Variants in LIMS4 observed in about 807,000 individuals in gnomAD.
LIMS4 encodes the protein LIM and senescent cell antigen-like-containing domain protein 4.
chr2:110,396,002 C>T, the LIMS4 span, among the ~76,000 whole-genome samples: 3 of 141,290 alleles, frequency 2.1e-5, 1 homozygote, highest in Non-Finnish European at 4.5e-5. Flanking sequence ...GATAGCCTTA[C>T]TTGCCTCCCC....
chr2:110,390,230 G>T, the LIMS4 span, among the ~76,000 whole-genome samples: 2 of 139,710 alleles, frequency 1.4e-5, no homozygotes, highest in Non-Finnish European at 3.0e-5. Context: ...AGAGAGGCAG[G>T]GTGGTTGATG....
chr2:110,366,705 G>C, the LIMS4 span, among the ~76,000 whole-genome samples: 2 of 152,162 alleles, frequency 1.3e-5, no homozygotes, highest in African/African-American at 2.4e-5. Context: ...AATCAGGCAA[G>C]AGAAAGAAGT....
chr2:110,382,098 A>T, the LIMS4 span, among the ~76,000 whole-genome samples: 3 of 40,500 alleles, frequency 7.4e-5, no homozygotes, highest in Admixed American at 4.6e-4. Flanking sequence ...AAAAAAAAAA[A>T]ATATATATAT....
At chr2:110,433,589 T>C in the LIMS4 span, 3 of 144,936 alleles carry the variant, frequency 2.1e-5, no homozygotes, top group Non-Finnish European at 4.5e-5. Flanking sequence ...TGTCCATCCA[T>C]GTGGGAGCTA....
chr2:110,382,359 GAGAC>G, the LIMS4 span, among the ~76,000 whole-genome samples: 940 of 43,738 alleles, frequency 0.021, no homozygotes, highest in Non-Finnish European at 0.032. Context: ...AATAACTAGA[GAGAC>G]AGATAACAAT....
At chr2:110,367,741 C>A in the LIMS4 span, among the ~76,000 whole-genome samples, 1 of 146,370 alleles carries the variant, frequency 6.8e-6, no homozygotes, top group South Asian at 2.1e-4. Flanking sequence ...ATTAGCTGGG[C>A]GTGGTGGCAC....
chr2:110,392,266 G>A, the LIMS4 span, among the ~76,000 whole-genome samples: 5 of 150,592 alleles, frequency 3.3e-5, no homozygotes, highest in Non-Finnish European at 7.4e-5. Context: ...GCAGTACCCC[G>A]TCTCTACTAA....
At chr2:110,395,900 G>T in the LIMS4 span, among the ~76,000 whole-genome samples, 7 of 137,588 alleles carry the variant, frequency 5.1e-5, 1 homozygote, top group East Asian at 1.5e-3. Context: ...GAGCTGCCAT[G>T]GGCAAAGAGC....
chr2:110,373,745 C>T, the LIMS4 span, among the ~76,000 whole-genome samples: 197 of 149,750 alleles, frequency 1.3e-3, 2 homozygotes, highest in African/African-American at 4.8e-3. Flanking sequence ...TCTCTGCCCG[C>T]CCTGGTTCAG....
chr2:110,372,391 TA>T, the LIMS4 span, among the ~76,000 whole-genome samples: 17 of 133,530 alleles, frequency 1.3e-4, no homozygotes, highest in Non-Finnish European at 2.3e-4. Flanking sequence ...AATGGGTGGT[TA>T]AAAAAAACCT....
At chr2:110,433,280 A>G in the LIMS4 span, among the ~76,000 whole-genome samples, 1 of 143,614 alleles carries the variant, frequency 7.0e-6, no homozygotes, top group Non-Finnish European at 1.5e-5. Flanking sequence ...ACTTCCCACT[A>G]CTACTCTCAT....
chr2:110,373,673 G>C, the LIMS4 span, among the ~76,000 whole-genome samples: 1 of 151,562 alleles, frequency 6.6e-6, no homozygotes, highest in Non-Finnish European at 1.5e-5. Flanking sequence ...TCAGCAGTAG[G>C]ATGGGAGGCT....
chr2:110,390,866 G>C, the LIMS4 span, among the ~76,000 whole-genome samples: 5 of 152,294 alleles, frequency 3.3e-5, no homozygotes, highest in African/African-American at 1.2e-4. Context: ...GCGGGACCAA[G>C]CCACAAAACA....
At chr2:110,397,428 C>G in the LIMS4 span, 2 of 145,730 alleles carry the variant, frequency 1.4e-5, no homozygotes, top group African/African-American at 5.2e-5. Context: ...TTGCTGTACA[C>G]CATGGCCAGA....
chr2:110,382,195 A>G, the LIMS4 span, among the ~76,000 whole-genome samples: 1 of 95,206 alleles, frequency 1.1e-5, no homozygotes, highest in Non-Finnish European at 1.9e-5. Flanking sequence ...AGAAAATAAC[A>G]CGATTTTAAA....
At chr2:110,361,969 A>C in the LIMS4 span, 16 of 1,273,712 alleles carry the variant, frequency 1.3e-5, 1 homozygote, top group Admixed American at 3.0e-4. Flanking sequence ...TGCAACGTAC[A>C]CATCAAAAAC....
At chr2:110,392,490 A>C in the LIMS4 span, among the ~76,000 whole-genome samples, 1 of 151,492 alleles carries the variant, frequency 6.6e-6, no homozygotes, top group Non-Finnish European at 1.5e-5. Context: ...AGTTTGATGA[A>C]AAACAGGTAG....
the LIMS4 span, chr2:110,361,851 T>G: frequency 1.1e-6 from 1 of 899,896 alleles, no homozygotes; most frequent in African/African-American, 1.9e-5. Context: ...GAATGTGTGC[T>G]TGGGGCAGAC....
the LIMS4 span, among the ~76,000 whole-genome samples, chr2:110,425,054 G>A: frequency 2.1e-5 from 3 of 142,796 alleles, no homozygotes; most frequent in Non-Finnish European, 3.0e-5. Flanking sequence ...AATAAACCTT[G>A]CTACTGCAGG....
Sources: allele counts gnomAD v4.1 joint callset (sites outside exome capture counted in the v4.1 genomes callset), GRCh38; gene constraint gnomAD v4.1.1; transcripts MANE v1.5; gene names NCBI Gene and HGNC (gene_info 2026-07-23, HGNC 2026-07-21).